Variants in BACH2 observed in about 807,000 individuals in gnomAD.
BACH2 encodes transcription regulator protein BACH2.
In BACH2, 5 loss-of-function variants were observed where a neutral mutation model predicts 61.8. The ratio of observed to expected loss-of-function variants is 0.08; its 90% confidence interval spans 0.04 to 0.17. BACH2 has a LOEUF of 0.17. BACH2 is among the 10% of genes least tolerant of loss of function. The probability of loss-of-function intolerance (pLI) is 1.00; values close to 1 mark genes in which losing one functional copy is unlikely to be tolerated. For synonymous variants in BACH2, 446 were observed against 440.1 expected (o/e 1.01, Z -0.17); for missense variants, 824 against 1,091.1 (o/e 0.76, Z 3.45).
In BACH2 at chr6:89,950,237, G is replaced by A; in HGVS notation, c.1836+33C>T. On this transcript the variant is annotated intron_variant, in intron 7 of 8. Coordinates refer to ENST00000257749, the MANE Select transcript of BACH2 (RefSeq NM_021813.4). The surrounding 1 kb of genome is among the most constrained non-coding windows in gnomAD (Gnocchi z 5.3). ...GTCCAGATAAAGGGCCTAGAGAGTG[G>A]GTCACATGCTTGAATTTATGTGGGT... 2 of 1,612,574 alleles carry A rather than the reference G, an allele frequency of 1.2e-6. No individual in the cohort carries two copies. Among genetic ancestry groups the A allele is most frequent in the Non-Finnish European group, 1.7e-6 (2 of 1,178,786 alleles).
At chr6:90,049,457 T>C (rs1458826979) in intron 5 of BACH2, among the ~76,000 whole-genome samples, 1 of 152,162 alleles carries the variant, frequency 6.6e-6, no homozygotes, top group Non-Finnish European at 1.5e-5. Flanking sequence ...TGAATCTCTG[T>C]GTGGTCTGTG....
intron 4 of BACH2, among the ~76,000 whole-genome samples, chr6:90,102,028 T>C (rs1253437799): frequency 2.0e-5 from 3 of 152,234 alleles, no homozygotes; most frequent in Non-Finnish European, 2.9e-5. Context: ...TTCATTCTAA[T>C]AGGTTTTTTC....
chr6:90,262,357 C>A (rs1771187472), intron 2 of BACH2, among the ~76,000 whole-genome samples: 1 of 152,164 alleles, frequency 6.6e-6, no homozygotes, highest in Non-Finnish European at 1.5e-5. Flanking sequence ...ATGACTTTTA[C>A]AGACCAATTC....
At chr6:89,943,039 T>C (rs980846001) in intron 7 of BACH2, among the ~76,000 whole-genome samples, 11 of 152,180 alleles carry the variant, frequency 7.2e-5, no homozygotes, top group Non-Finnish European at 1.3e-4. Context: ...CTCAAACTCC[T>C]GGCCTCAAGC....
intron 6 of BACH2, among the ~76,000 whole-genome samples, chr6:90,007,861 A>C (rs1371470948): frequency 6.6e-6 from 1 of 152,226 alleles, no homozygotes; most frequent in East Asian, 1.9e-4. Context: ...ACAAAGTATT[A>C]TCCTTAGTCC....
At chr6:90,119,684 T>C (rs2127819303) in intron 4 of BACH2, among the ~76,000 whole-genome samples, 1 of 152,296 alleles carries the variant, frequency 6.6e-6, no homozygotes, top group Middle Eastern at 3.4e-3. Context: ...AAGGATATAA[T>C]TAACATTTAC....
intron 4 of BACH2, among the ~76,000 whole-genome samples, chr6:90,189,468 C>A (rs888765138): frequency 5.9e-5 from 9 of 151,896 alleles, no homozygotes; most frequent in Non-Finnish European, 1.3e-4. Context: ...ATTAGCCGGG[C>A]GCGGTGGCGG....
intron 5 of BACH2, among the ~76,000 whole-genome samples, chr6:90,023,660 T>C (rs1343827922): frequency 6.6e-6 from 1 of 152,218 alleles, no homozygotes; most frequent in Admixed American, 6.5e-5. Flanking sequence ...ATCCCCAGTA[T>C]AATGGTATTT....
At chr6:90,101,494 GTTCT>G (rs999490364) in intron 4 of BACH2, among the ~76,000 whole-genome samples, 2 of 152,144 alleles carry the variant, frequency 1.3e-5, no homozygotes, top group African/African-American at 4.8e-5. Context: ...TGAAAAGACT[GTTCT>G]TTCCTCATCA....
At chr6:89,973,682 T>G (rs1775494467) in intron 6 of BACH2, among the ~76,000 whole-genome samples, 1 of 152,064 alleles carries the variant, frequency 6.6e-6, no homozygotes, top group East Asian at 1.9e-4. Context: ...TGGGGGCCAG[T>G]ATCCTGCCTG....
intron 4 of BACH2, among the ~76,000 whole-genome samples, chr6:90,180,555 A>G (rs1482259983): frequency 1.3e-5 from 2 of 152,042 alleles, no homozygotes; most frequent in South Asian, 4.1e-4. Context: ...TGAGTCTCCA[A>G]TGTCCATTAC....
chr6:90,171,759 G>A (rs1337427469), intron 4 of BACH2, among the ~76,000 whole-genome samples: 5 of 152,092 alleles, frequency 3.3e-5, no homozygotes, highest in Non-Finnish European at 7.4e-5. Flanking sequence ...AAATAGATGT[G>A]TTTAACATTT....
chr6:89,950,570 G>C lies in BACH2; in HGVS notation c.1536C>G (p.Pro512=), dbSNP rs149586909. 10,138 of 1,611,212 alleles carry C rather than the reference G, an allele frequency of 6.3e-3. 38 individuals are homozygous for C. Among genetic ancestry groups the C allele is most frequent in the Non-Finnish European group, 7.9e-3 (9,258 of 1,178,076 alleles). ...TGGAAGTCCTGGTCCTGGTCTCCAAGGGGGGTGAGCGAGGGCAGACTTTGA... is the reference window on the plus strand; with the variant it reads ...TGGAAGTCCTGGTCCTGGTCTCCAACGGGGGTGAGCGAGGGCAGACTTTGA... ...VPIKVCPRSP[P]LETRTRTSSS... is the part of the protein sequence containing the mutation. Residue 512 remains proline (P), a synonymous_variant, in exon 7 of 9, where the codon CCC becomes CCG. Coordinates refer to ENST00000257749, the MANE Select transcript of BACH2 (RefSeq NM_021813.4). This position sits in a 1 kb window ranked among gnomAD's most constrained non-coding sequence, Gnocchi z 5.3.
rs568118583 is a variant in BACH2 at position 90,004,996 on chromosome 6, A to G, written c.243+3606T>C. On this transcript the variant is annotated intron_variant, in intron 6 of 8. Coordinates refer to ENST00000257749, the MANE Select transcript of BACH2 (RefSeq NM_021813.4). ...ATTTGTTTTTTTTTAAAAACGCAAG[A>G]TAATTCAATTATTCCTTGATTTCTA... 2.6e-5 allele frequency among the ~76,000 whole-genome samples: 4 copies of G among 152,254 alleles called. No homozygotes were observed. The South Asian group carries it at 8.3e-4, about 32-fold the overall frequency.
intron 5 of BACH2, among the ~76,000 whole-genome samples, chr6:90,060,531 C>A (rs1295804291): frequency 6.6e-6 from 1 of 151,976 alleles, no homozygotes; most frequent in African/African-American, 2.4e-5. Flanking sequence ...TCACCATTCA[C>A]CATTTTTGTA....
chr6:89,958,632 CA>C (rs942724695), intron 6 of BACH2, among the ~76,000 whole-genome samples: 3 of 152,188 alleles, frequency 2.0e-5, no homozygotes, highest in Non-Finnish European at 4.4e-5. Flanking sequence ...TAAATGTTTA[CA>C]GTGTCACCTG....
intron 3 of BACH2, among the ~76,000 whole-genome samples, chr6:90,237,563 CTGTT>C (rs1770301601): frequency 6.6e-6 from 1 of 152,200 alleles, no homozygotes; most frequent in Admixed American, 6.5e-5. Context: ...CTGACCACAT[CTGTT>C]TGTTTTGTGA....
chr6:90,017,573 T>C (rs1778136004), intron 5 of BACH2, among the ~76,000 whole-genome samples: 1 of 152,148 alleles, frequency 6.6e-6, no homozygotes, highest in African/African-American at 2.4e-5. Context: ...TCTCTTCTTC[T>C]GCAAGGTCTA....
At chr6:90,180,932 T>G (rs1039709605) in intron 4 of BACH2, among the ~76,000 whole-genome samples, 5 of 152,076 alleles carry the variant, frequency 3.3e-5, no homozygotes, top group African/African-American at 1.2e-4. Context: ...GATGGGCACT[T>G]AGGTTGAACC....
Sources: allele counts gnomAD v4.1 joint callset (sites outside exome capture counted in the v4.1 genomes callset), GRCh38; gene constraint gnomAD v4.1.1; non-coding constraint Gnocchi (gnomAD v3.1); transcripts MANE v1.5; gene names NCBI Gene and HGNC (gene_info 2026-07-23, HGNC 2026-07-21).